R3HDM2: variants seen among roughly 807,000 people sequenced by gnomAD.
The protein encoded by R3HDM2 is R3H domain containing 2, also known as R3H domain-containing protein 2.
Under a neutral mutation model 124.5 loss-of-function variants are expected in R3HDM2, and 38 were observed. The observed-to-expected ratio is 0.31, with a 90% CI of 0.24 to 0.40. The LOEUF is 0.40. Among genes scored for constraint, R3HDM2 ranks in the 10% least tolerant of loss-of-function variants. The pLI is 1.00. For synonymous variants in R3HDM2, 391 were observed against 448.0 expected (o/e 0.87, Z 1.61); for missense variants, 869 against 1,236.9 (o/e 0.70, Z 4.46).
intron 1 of R3HDM2, among the ~76,000 whole-genome samples, chr12:57,420,180 G>A (rs1442709608): frequency 2.0e-5 from 3 of 151,930 alleles, no homozygotes; most frequent in Admixed American, 6.6e-5. Flanking sequence ...GCTCTGTATT[G>A]TCTTGTTCAT....
At chr12:57,357,509 A>G (rs939717407) in intron 2 of R3HDM2, among the ~76,000 whole-genome samples, 2 of 152,086 alleles carry the variant, frequency 1.3e-5, no homozygotes, top group Non-Finnish European at 2.9e-5. Context: ...TGCCTGGAAA[A>G]TCATCAGTGA....
chr12:57,398,607 A>G (rs1262933779), intron 1 of R3HDM2, among the ~76,000 whole-genome samples: 1 of 151,082 alleles, frequency 6.6e-6, no homozygotes, highest in Admixed American at 6.6e-5. Flanking sequence ...TCCTGCCTCA[A>G]CCTCCCAAGT....
intron 1 of R3HDM2, among the ~76,000 whole-genome samples, chr12:57,417,531 T>C (rs1259505433): frequency 6.6e-6 from 1 of 152,240 alleles, no homozygotes; most frequent in Non-Finnish European, 1.5e-5. Flanking sequence ...GGATTATTAT[T>C]CTGAGGATTA....
intron 1 of R3HDM2, among the ~76,000 whole-genome samples, chr12:57,416,640 C>G (rs2069635522): frequency 6.6e-6 from 1 of 152,114 alleles, no homozygotes; most frequent in Admixed American, 6.6e-5. Context: ...AACCCTGTCT[C>G]TACTAAAAAT....
At chr12:57,368,887 A>C (rs1282391623) in intron 2 of R3HDM2, among the ~76,000 whole-genome samples, 2 of 151,984 alleles carry the variant, frequency 1.3e-5, no homozygotes, top group African/African-American at 4.8e-5. Flanking sequence ...GCAGTTCCAA[A>C]AGTGGGGGGT....
chr12:57,350,015 C>T (rs2060514439), intron 2 of R3HDM2, among the ~76,000 whole-genome samples: 1 of 152,056 alleles, frequency 6.6e-6, no homozygotes, highest in Non-Finnish European at 1.5e-5. Context: ...GAGTTTGAGA[C>T]CAGCCTGGCC....
chr12:57,411,909 C>T (rs1030422680), intron 1 of R3HDM2, among the ~76,000 whole-genome samples: 4 of 152,286 alleles, frequency 2.6e-5, no homozygotes, highest in South Asian at 2.1e-4. Context: ...TTCCCCCATG[C>T]TGTTATTGTG....
intron 11 of R3HDM2, 44 bp downstream of exon 11, chr12:57,292,528 G>C: frequency 1.5e-6 from 2 of 1,318,216 alleles, no homozygotes; most frequent in Non-Finnish European, 2.1e-6. Context: ...CAATGATTAA[G>C]AGCTAAAAGC....
chr12:57,408,291 T>C (rs894334767), intron 1 of R3HDM2, among the ~76,000 whole-genome samples: 5 of 152,166 alleles, frequency 3.3e-5, no homozygotes, highest in African/African-American at 1.2e-4. Flanking sequence ...GGTCTTGAAC[T>C]CCTGACCTCA....
intron 2 of R3HDM2, among the ~76,000 whole-genome samples, chr12:57,362,502 T>C (rs2062073027): frequency 6.6e-6 from 1 of 152,234 alleles, no homozygotes; most frequent in Non-Finnish European, 1.5e-5. Flanking sequence ...TTTATGTTAC[T>C]GGTAAGGCTT....
chr12:57,313,778 G>C (rs1467072975), intron 2 of R3HDM2, among the ~76,000 whole-genome samples: 1 of 151,020 alleles, frequency 6.6e-6, no homozygotes, highest in Admixed American at 6.6e-5. Flanking sequence ...CTACTCGGGA[G>C]GCTGAGGTGG....
chr12:57,387,604 A>G (rs2066035921), intron 2 of R3HDM2, among the ~76,000 whole-genome samples: 1 of 152,200 alleles, frequency 6.6e-6, no homozygotes, highest in Non-Finnish European at 1.5e-5. Context: ...CAAAGACAAA[A>G]GCTCTCTGGA....
intron 2 of R3HDM2, among the ~76,000 whole-genome samples, chr12:57,346,911 G>T (rs1395234648): frequency 6.6e-6 from 1 of 152,108 alleles, no homozygotes; most frequent in African/African-American, 2.4e-5. Flanking sequence ...AAGGTTTCAA[G>T]ACTCCACCTG....
At chr12:57,325,852 CT>C (rs143909233) in intron 2 of R3HDM2, among the ~76,000 whole-genome samples, 7 of 148,334 alleles carry the variant, frequency 4.7e-5, no homozygotes, top group Non-Finnish European at 7.5e-5. Flanking sequence ...TTTTTCTTTT[CT>C]TTTTTTTTTA....
At chr12:57,422,438 T>C (rs2070308644) in intron 1 of R3HDM2, among the ~76,000 whole-genome samples, 3 of 152,180 alleles carry the variant, frequency 2.0e-5, no homozygotes, top group Admixed American at 2.0e-4. Flanking sequence ...GCAAAGACTC[T>C]GTTACCTTGC....
At chr12:57,303,524 C>A (rs1320474971) in intron 3 of R3HDM2, among the ~76,000 whole-genome samples, 1 of 151,466 alleles carries the variant, frequency 6.6e-6, no homozygotes, top group East Asian at 1.9e-4. Context: ...CAGGCGGATC[C>A]CTTGAGCTCA....
intron 2 of R3HDM2, among the ~76,000 whole-genome samples, chr12:57,372,447 A>G (rs1203635971): frequency 6.6e-6 from 1 of 152,172 alleles, no homozygotes; most frequent in African/African-American, 2.4e-5. Flanking sequence ...GAGAAAATGG[A>G]TTTCTGTCAA....
intron 3 of R3HDM2, among the ~76,000 whole-genome samples, chr12:57,309,121 T>C (rs571238340): frequency 3.3e-5 from 5 of 152,380 alleles, no homozygotes; most frequent in African/African-American, 9.6e-5. Flanking sequence ...CTTTATATTA[T>C]TGCTGTTTTA....
chr12:57,338,107 C>T (rs1042545248), intron 2 of R3HDM2, among the ~76,000 whole-genome samples: 1 of 152,160 alleles, frequency 6.6e-6, no homozygotes, highest in Non-Finnish European at 1.5e-5. Flanking sequence ...AGTTCAAGAC[C>T]AGCCTGACCA....
Sources: gnomAD v4.1 joint callset for allele counts (sites outside exome capture counted in the v4.1 genomes callset) on GRCh38, gnomAD v4.1.1 for gene constraint, MANE v1.5 for transcripts, NCBI Gene and HGNC (gene_info 2026-07-23, HGNC 2026-07-21) for gene names.